Variants in RORB observed in about 807,000 individuals in gnomAD.
The protein encoded by RORB is RAR related orphan receptor B, also known as nuclear receptor ROR-beta.
Under a neutral mutation model 59.1 loss-of-function variants are expected in RORB, and 6 were observed. The observed-to-expected ratio is 0.10, with a 90% CI of 0.06 to 0.20. The LOEUF (loss-of-function observed/expected upper bound fraction) is 0.20, where lower values mean the gene tolerates loss of function less well. RORB is among the 10% of genes least tolerant of loss of function. RORB has a pLI of 1.00. For synonymous variants in RORB, 215 were observed against 204.5 expected (o/e 1.05, Z -0.44); for missense variants, 320 against 560.5 (o/e 0.57, Z 4.33).
At chr9:74,640,133 G>A (rs1176889931) in intron 3 of RORB, among the ~76,000 whole-genome samples, 2 of 152,044 alleles carry the variant, frequency 1.3e-5, no homozygotes, top group African/African-American at 4.8e-5. Context: ...GAGTCAGATT[G>A]TTTGTCTTCA....
chr9:74,535,428 G>GGAT (rs1347956562), intron 1 of RORB, among the ~76,000 whole-genome samples: 12 of 151,906 alleles, frequency 7.9e-5, no homozygotes, highest in South Asian at 2.1e-4. Flanking sequence ...GCTGTGCCTA[G>GGAT]GATGGCAGAA....
chr9:74,684,792 G>A (rs1199848648), intron 9 of RORB, among the ~76,000 whole-genome samples: 3 of 152,178 alleles, frequency 2.0e-5, no homozygotes, highest in African/African-American at 7.2e-5. Context: ...GGATTAGAGA[G>A]CCACTCTACA....
At chr9:74,615,693 C>A in intron 1 of RORB, 1 of 411,880 alleles carries the variant, frequency 2.4e-6, no homozygotes, top group Non-Finnish European at 4.9e-6. Flanking sequence ...GGACCATCCT[C>A]CAGGCAAGGA....
rs544418624 is a variant in RORB, at chr9:74,635,423, C to T, written c.235+651C>T. On this transcript the variant is annotated intron_variant, in intron 3 of 9. Coordinates refer to ENST00000376896, the MANE Select transcript of RORB (RefSeq NM_006914.4). ...TGAATGGCTTGGCTTCCCAAGGGAA[C>T]ATCTTAGAGTAATGAAAGAGGACAA... Among the ~76,000 whole-genome samples, 5 of 152,316 alleles carry T rather than the reference C, an allele frequency of 3.3e-5. No individual in the cohort carries two copies. The South Asian group carries it at 1.0e-3, about 32-fold the overall frequency.
At chr9:74,532,782 G>A (rs942873219) in intron 1 of RORB, among the ~76,000 whole-genome samples, 4 of 142,790 alleles carry the variant, frequency 2.8e-5, no homozygotes, top group Non-Finnish European at 4.5e-5. Context: ...GTGTATGTGT[G>A]TATATATATA....
In RORB at chr9:74,608,563, CAAAAAAAA is replaced by C. The variant is rs34028088; in HGVS notation, c.8-21708_8-21701del. ...TGGGCAACAGAGTGAGACTCCGTCT[CAAAAAAAA>C]AAAAAAAAAATTGCTAGTTCCTTTG... is the stretch of plus-strand genomic sequence containing the variant. On this transcript the variant is annotated intron_variant, in intron 1 of 9. Coordinates refer to ENST00000376896, the MANE Select transcript of RORB (RefSeq NM_006914.4). Among the ~76,000 whole-genome samples the C allele has an allele frequency of 3.9e-3, 502 of 127,274 alleles. 4 individuals carry two copies. The highest frequency in any genetic ancestry group is 7.1e-3 in the Admixed American group (87 of 12,296). 83.5% of individuals were successfully genotyped at this position (127,274 alleles called of 152,430 possible). A position where few individuals can be genotyped will look rare whatever the true frequency, so the allele number is the denominator to read the frequency against.
intron 3 of RORB, among the ~76,000 whole-genome samples, chr9:74,635,303 G>T (rs1823683023): frequency 6.6e-6 from 1 of 152,178 alleles, no homozygotes; most frequent in Non-Finnish European, 1.5e-5. Flanking sequence ...GTTTCCAAAG[G>T]CTAGAGCGAA....
chr9:74,550,648 A>T (rs924893247), intron 1 of RORB, among the ~76,000 whole-genome samples: 1 of 152,192 alleles, frequency 6.6e-6, no homozygotes, highest in African/African-American at 2.4e-5. Flanking sequence ...GTCACTTAAA[A>T]CCATTTTCTC....
chr9:74,516,713 C>T (rs1323684252), intron 1 of RORB, among the ~76,000 whole-genome samples: 1 of 151,958 alleles, frequency 6.6e-6, no homozygotes, highest in Non-Finnish European at 1.5e-5. Flanking sequence ...TATCAGTTAC[C>T]TCCCTAAAAC....
chr9:74,547,220 G>T (rs1826512432), intron 1 of RORB, among the ~76,000 whole-genome samples: 1 of 152,134 alleles, frequency 6.6e-6, no homozygotes, highest in East Asian at 1.9e-4. Context: ...CATTGATGAA[G>T]CATGGCACAG....
At chr9:74,676,374 AAC>A (rs1219164617) in intron 9 of RORB, among the ~76,000 whole-genome samples, 13 of 152,244 alleles carry the variant, frequency 8.5e-5, no homozygotes, top group Non-Finnish European at 1.6e-4. Flanking sequence ...ACTCTATAAC[AAC>A]ACATATATCC....
At chr9:74,670,150 C>T (rs1824325399) in intron 8 of RORB, among the ~76,000 whole-genome samples, 1 of 151,914 alleles carries the variant, frequency 6.6e-6, no homozygotes, top group Non-Finnish European at 1.5e-5. Flanking sequence ...GAATACTTTT[C>T]TCTGTTAGCA....
intron 1 of RORB, among the ~76,000 whole-genome samples, chr9:74,545,468 T>A (rs1340232753): frequency 6.6e-6 from 1 of 152,186 alleles, no homozygotes; most frequent in Non-Finnish European, 1.5e-5. Flanking sequence ...CATTCTCTGT[T>A]TCAGAAATGA....
intron 1 of RORB, among the ~76,000 whole-genome samples, chr9:74,593,001 A>G (rs1011578344): frequency 2.0e-5 from 3 of 152,096 alleles, no homozygotes; most frequent in Non-Finnish European, 4.4e-5. Context: ...GGCTGATGAG[A>G]ATCACAGCAG....
intron 1 of RORB, among the ~76,000 whole-genome samples, chr9:74,589,752 G>A (rs887334038): frequency 6.6e-6 from 1 of 152,142 alleles, no homozygotes; most frequent in African/African-American, 2.4e-5. Flanking sequence ...GGGACTTTCT[G>A]GCCTCGCTTG....
chr9:74,582,387 A>G (rs939139812), intron 1 of RORB, among the ~76,000 whole-genome samples: 8 of 152,162 alleles, frequency 5.3e-5, no homozygotes, highest in African/African-American at 1.9e-4. Flanking sequence ...GATTTCTCCC[A>G]TATTAGAAAA....
chr9:74,546,381 T>C (rs1029740688), intron 1 of RORB, among the ~76,000 whole-genome samples: 10 of 152,018 alleles, frequency 6.6e-5, no homozygotes, highest in African/African-American at 2.4e-4. Context: ...CCTTGGAGGA[T>C]TGTCTGGCTT....
chr9:74,502,783 T>C (rs1185930339), intron 1 of RORB, among the ~76,000 whole-genome samples: 1 of 152,028 alleles, frequency 6.6e-6, no homozygotes, highest in Non-Finnish European at 1.5e-5. Context: ...TAAGAATTAA[T>C]TCCAAAGTGA....
At chr9:74,682,243 G>C (rs1406466011) in intron 9 of RORB, among the ~76,000 whole-genome samples, 3 of 138,808 alleles carry the variant, frequency 2.2e-5, no homozygotes, top group Non-Finnish European at 4.5e-5. Context: ...CTGAGAGGTT[G>C]TTCCCCTTCC....
Sources: allele counts gnomAD v4.1 joint callset (sites outside exome capture counted in the v4.1 genomes callset), GRCh38; gene constraint gnomAD v4.1.1; transcripts MANE v1.5; gene names NCBI Gene and HGNC (gene_info 2026-07-23, HGNC 2026-07-21).